BSN: variants seen among roughly 807,000 people sequenced by gnomAD.
BSN encodes bassoon presynaptic cytomatrix protein.
A neutral mutation model predicts 264.8 loss-of-function variants in BSN; 57 were observed. The observed-to-expected ratio is 0.22, with a 90% CI of 0.17 to 0.27. The LOEUF is 0.27. BSN is among the 10% of genes least tolerant of loss of function. BSN has a pLI of 1.00. For synonymous variants in BSN, 2,059 were observed against 2,137.3 expected (o/e 0.96, Z 1.01); for missense variants, 4,615 against 5,232.5 (o/e 0.88, Z 3.64).
Position 49,625,468 on chromosome 3 carries a change from C to T in BSN, c.633+85C>T. The T allele has an allele frequency of 7.8e-7, 1 of 1,288,964 alleles. No homozygotes were observed. The highest frequency in any genetic ancestry group is 1.0e-6 in the Non-Finnish European group (1 of 986,836). The allele number at this position is 1,288,964 out of a possible 1,614,324, so 79.8% of individuals were successfully genotyped here. On this transcript the variant is annotated intron_variant, in intron 2 of 11. Coordinates refer to ENST00000296452, the MANE Select transcript of BSN (RefSeq NM_003458.4). The surrounding 1 kb of genome is among the most constrained non-coding windows in gnomAD (Gnocchi z 4.4). Reference sequence around the variant, plus strand: ...GTTCCCTTCCCCTCTTTCACCAACTCTCTTTTCCTGGTCATTTCCCTTGAC... The same window carrying T: ...GTTCCCTTCCCCTCTTTCACCAACTTTCTTTTCCTGGTCATTTCCCTTGAC...
At chr3:49,650,313 C>A (rs2052530340) in intron 3 of BSN, among the ~76,000 whole-genome samples, 1 of 152,214 alleles carries the variant, frequency 6.6e-6, no homozygotes, top group African/African-American at 2.4e-5. Context: ...GCTAGGCCCT[C>A]CCATCCCCCA....
intron 1 of BSN, among the ~76,000 whole-genome samples, chr3:49,558,059 C>T (rs2051687680): frequency 6.6e-6 from 1 of 152,160 alleles, no homozygotes; most frequent in African/African-American, 2.4e-5. Context: ...CATGGAAGAA[C>T]CCTAAGAGAG....
At chr3:49,567,964 A>T (rs1472333262) in intron 1 of BSN, among the ~76,000 whole-genome samples, 2 of 152,194 alleles carry the variant, frequency 1.3e-5, no homozygotes, top group African/African-American at 4.8e-5. Context: ...ATGTGGGCTC[A>T]TTTGGGCTGC....
At chr3:49,613,275 T>TTA (rs140461944) in intron 1 of BSN, among the ~76,000 whole-genome samples, 64,882 of 122,760 alleles carry the variant, frequency 0.53, 17,705 homozygotes, top group East Asian at 0.94. Flanking sequence ...GGGGAAAAGT[T>TTA]TATATATATA....
chr3:49,662,940 G>A lies in BSN; in HGVS notation c.10782G>A (p.Arg3594=), dbSNP rs1252655595. The part of the protein sequence containing the change: ...FDKPRDARSD[R]FRHHGGHAVS... ...AGCCCCGGGATGCCCGCTCTGACCGGTTCAGGCACCACGGGGGCCATGCAG... is the reference window on the plus strand; with the variant it reads ...AGCCCCGGGATGCCCGCTCTGACCGATTCAGGCACCACGGGGGCCATGCAG... Residue 3594 remains arginine, a synonymous_variant, in exon 7 of 12, where the codon CGG becomes CGA. Transcript: ENST00000296452. 1.2e-6 allele frequency: 2 copies of A among 1,613,814 alleles called. No homozygotes were observed. The highest frequency in any genetic ancestry group is 1.1e-5 in the South Asian group (1 of 91,058).
Position 49,657,274 on chromosome 3 carries a change from A to T in BSN, c.7718A>T (p.Glu2573Val), listed in dbSNP as rs1353850895. 6.2e-7 allele frequency: 1 copy of T among 1,613,402 alleles called. No individual in the cohort carries two copies. The highest frequency in any genetic ancestry group is 1.7e-5 in the Admixed American group (1 of 60,024). Residue 2573 changes from glutamate (E) to valine (V), a missense_variant, in exon 5 of 12, where the codon GAG becomes GTG. Transcript: ENST00000296452. ...GCCTGTGAGCTAGAGTCTGGGACTG[A>T]GCCCTGTGTGGTCAGGAGGATTGCC... ...RDACELESGT[E>V]PCVVRRIADS...
chr3:49,657,191 G>T lies in BSN; in HGVS notation c.7635G>T (p.Gln2545His), dbSNP rs1282672707. Reference protein sequence around the residue: ...ASDMSLQTEEQWEASRSGIKK... With the variant: ...ASDMSLQTEEHWEASRSGIKK... ...ACATGTCACTGCAAACGGAGGAGCA[G>T]TGGGAGGCCAGCCGTAGTGGCATCA... is the stretch of plus-strand genomic sequence containing the variant. The change falls in exon 5 of 12, where the codon CAG (glutamine) becomes CAT (histidine). Residue 2545 changes from glutamine to histidine, a missense_variant. Physicochemically the swap from Gln to His is conservative, Grantham distance 24. This residue lies in a region of BSN where 3,415 missense variants were observed against 3,866.4 expected (regional missense o/e 0.88). Transcript: ENST00000296452. 12 of 1,613,258 alleles carry T rather than the reference G, an allele frequency of 7.4e-6. No homozygotes were observed. Among genetic ancestry groups the T allele is most frequent in the Non-Finnish European group, 1.0e-5 (12 of 1,180,048 alleles).
In BSN at chr3:49,661,602, C is replaced by T. The variant is rs757268879; in HGVS notation, c.9757C>T (p.Arg3253Trp). 42 of 1,613,588 alleles carry T rather than the reference C, an allele frequency of 2.6e-5. No homozygotes were observed. The highest frequency in any genetic ancestry group is 3.3e-4 in the Middle Eastern group (2 of 6,084). The change falls in exon 6 of 12, where the codon CGG (arginine) becomes TGG (tryptophan). Residue 3253 changes from arginine to tryptophan, a missense_variant. Arg to Trp is a moderately radical substitution (Grantham distance 101). Transcript: ENST00000296452. Reference sequence around the variant, plus strand: ...CACCTCTACTGCTCCTGATAGCCAACGGCTGGAGCCCCTGGGGCCAGGCAG... The same window carrying T: ...CACCTCTACTGCTCCTGATAGCCAATGGCTGGAGCCCCTGGGGCCAGGCAG... ...DSTSTAPDSQ[R>W]LEPLGPGSSG... is the part of the protein sequence containing the mutation.
Position 49,660,555 on chromosome 3 carries a change from G to C in BSN, c.8710G>C (p.Glu2904Gln). ...KRTLPSPPPE[E>Q]AHLPLAGQAS... ...GACACTGCCCAGCCCCCCTCCAGAGGAGGCTCACCTTCCCCTGGCTGGCCA... is the reference window on the plus strand; with the variant it reads ...GACACTGCCCAGCCCCCCTCCAGAGCAGGCTCACCTTCCCCTGGCTGGCCA... The change falls in exon 6 of 12, where the codon GAG (glutamate) becomes CAG (glutamine). Residue 2904 changes from glutamate to glutamine, a missense_variant. By Grantham distance (29) the Glu-to-Gln change is conservative. Coordinates refer to ENST00000296452, the MANE Select transcript of BSN (RefSeq NM_003458.4). The surrounding 1 kb of genome is among the most constrained non-coding windows in gnomAD (Gnocchi z 7.1). 1 of 1,594,444 alleles carries C rather than the reference G, an allele frequency of 6.3e-7. No individual in the cohort carries two copies. Among genetic ancestry groups the C allele is most frequent in the Non-Finnish European group, 8.6e-7 (1 of 1,168,684 alleles).
chr3:49,658,248 G>T (rs778166233), intron 5 of BSN, 52 bp downstream of exon 5: 1 of 1,479,334 alleles, frequency 6.8e-7, no homozygotes, highest in Admixed American at 2.4e-5. Context: ...TGCCTAGCCC[G>T]AGGGGCCCCC....
In BSN at chr3:49,662,177, G is replaced by A; in HGVS notation, c.10332G>A (p.Arg3444=). Residue 3444 remains arginine (R), a synonymous_variant, in exon 6 of 12, where the codon CGG becomes CGA. Coordinates refer to ENST00000296452, the MANE Select transcript of BSN (RefSeq NM_003458.4). ...TTTATGGCGGGAGCAGCCGGTCCCG[G>A]GCACCTTCTGCATACAGTGGGGAGA... The part of the protein sequence containing the change: ...DRIYGGSSRS[R]APSAYSGEKL... The A allele has an allele frequency of 6.2e-7, 1 of 1,612,944 alleles. No homozygotes were observed. The highest frequency in any genetic ancestry group is 8.5e-7 in the Non-Finnish European group (1 of 1,179,906).
chr3:49,651,734 G>C lies in BSN; in HGVS notation c.2178G>C (p.Lys726Asn), dbSNP rs150207451. 1.4e-4 allele frequency: 230 copies of C among 1,613,804 alleles called. No homozygotes were observed. The highest frequency in any genetic ancestry group is 3.2e-4 in the Admixed American group (19 of 60,018). ...PHPPSPSEIH[K>N]VGSSMRPLLQ... ...CACCCAGCCCCTCCGAGATCCACAA[G>C]GTGGGGAGCAGCATGCGGCCTTTGC... The change falls in exon 5 of 12, where the codon AAG becomes AAC. Residue 726 changes from lysine (K) to asparagine (N), a missense_variant. Around this residue, in one of 3 missense-constraint regions of BSN, gnomAD observed 1,197 missense variants for 1,348.0 expected, o/e 0.89. Transcript: ENST00000296452. The surrounding 1 kb of genome is among the most constrained non-coding windows in gnomAD (Gnocchi z 5.4).
Position 49,664,671 on chromosome 3 carries a change from G to A in BSN, c.11740+117G>A, listed in dbSNP as rs1295996573. 1.1e-5 allele frequency: 17 copies of A among 1,539,936 alleles called. No individual in the cohort carries two copies. The African/African-American group carries it at 1.4e-4, about 12-fold the overall frequency. ...AGGCCAGCCAGAGAGCCCACCTGCT[G>A]ATGCCCAGTTGTTCTCCGGGCAATC... On this transcript the variant is annotated intron_variant, in intron 9 of 11. Transcript: ENST00000296452.
Position 49,655,033 on chromosome 3 carries a change from G to A in BSN, c.5477G>A (p.Ser1826Asn). The A allele has an allele frequency of 1.9e-6, 3 of 1,613,192 alleles. No homozygotes were observed. The highest frequency in any genetic ancestry group is 2.5e-6 in the Non-Finnish European group (3 of 1,180,036). ...ATCACTCAGATGGGCACCGCCCAGA[G>A]CATTGGCCTCAAGCCAGGCCCAGTG... ...VLITQMGTAQ[S>N]IGLKPGPVPE... Residue 1826 changes from serine to asparagine, a missense_variant, in exon 5 of 12, where the codon AGC (serine) becomes AAC (asparagine). By Grantham distance (46) the Ser-to-Asn change is conservative. This residue lies in a region of BSN where 3,415 missense variants were observed against 3,866.4 expected (regional missense o/e 0.88). Transcript: ENST00000296452.
intron 1 of BSN, among the ~76,000 whole-genome samples, chr3:49,567,210 A>T (rs1295229306): frequency 6.6e-6 from 1 of 152,208 alleles, no homozygotes; most frequent in African/African-American, 2.4e-5. Flanking sequence ...CCCTTAGGTT[A>T]TCCCTTTTCA....
intron 1 of BSN, among the ~76,000 whole-genome samples, chr3:49,605,153 G>A (rs2052102572): frequency 6.8e-6 from 1 of 146,578 alleles, no homozygotes; most frequent in Admixed American, 7.3e-5. Flanking sequence ...ATAGCTACTT[G>A]GGAGGCTGAG....
chr3:49,658,001 G>T lies in BSN; in HGVS notation c.8445G>T (p.Glu2815Asp), dbSNP rs1265146206. Residue 2815 changes from glutamate to aspartate, a missense_variant, in exon 5 of 12, where the codon GAG (glutamate) becomes GAT (aspartate). Glu to Asp is a conservative substitution (Grantham distance 45). Transcript: ENST00000296452. Reference protein sequence around the residue: ...RLLDTSFASSERLNKAHVSPQ... With the variant: ...RLLDTSFASSDRLNKAHVSPQ... ...TGGACACCTCCTTTGCTTCCAGTGA[G>T]AGGCTGAACAAAGCTCACGTGAGTC... The T allele has an allele frequency of 1.2e-6, 2 of 1,613,144 alleles. No individual in the cohort carries two copies. Among genetic ancestry groups the T allele is most frequent in the East Asian group, 4.5e-5 (2 of 44,872 alleles).
At chr3:49,622,844 C>T (rs1054676082) in intron 1 of BSN, among the ~76,000 whole-genome samples, 1 of 152,222 alleles carries the variant, frequency 6.6e-6, no homozygotes. Context: ...TGCTAGGCTT[C>T]ACAGCTGGTG....
At position 49,650,679 on chromosome 3, in the gene BSN, C is replaced by T. The variant is rs748082678; in HGVS notation, c.1586C>T (p.Thr529Ile). ...RLLEGSLGEP[T>I]PLPPPTSQQP... ...CTGGAGGGCAGCCTAGGAGAGCCGA[C>T]CCCCCTGCCGCCGCCCACCTCACAG... is the stretch of plus-strand genomic sequence containing the variant. Residue 529 changes from threonine (T) to isoleucine (I), a missense_variant, in exon 4 of 12, where the codon ACC becomes ATC. Transcript: ENST00000296452. 10 of 1,608,864 alleles carry T rather than the reference C, an allele frequency of 6.2e-6. No homozygotes were observed. In the East Asian group the frequency reaches 2.0e-4, roughly 32 times the overall value.
Sources: allele counts gnomAD v4.1 joint callset (sites outside exome capture counted in the v4.1 genomes callset), GRCh38; gene constraint gnomAD v4.1.1; regional missense constraint gnomAD v4.1.1; non-coding constraint Gnocchi (gnomAD v3.1); transcripts MANE v1.5; gene names NCBI Gene and HGNC (gene_info 2026-07-23, HGNC 2026-07-21).